MAGI2: variants seen among roughly 807,000 people sequenced by gnomAD.
MAGI2 encodes the protein membrane-associated guanylate kinase, WW and PDZ domain-containing protein 2.
A neutral mutation model predicts 133.3 loss-of-function variants in MAGI2; 35 were observed. That is an observed-to-expected ratio of 0.26 (90% confidence interval 0.20 to 0.35). MAGI2 has a LOEUF of 0.35. Among genes scored for constraint, MAGI2 ranks in the 10% least tolerant of loss-of-function variants. The pLI, the probability that MAGI2 is intolerant of heterozygous loss-of-function variation, is 1.00. For missense variants in MAGI2, 1,636 were observed against 1,863.4 expected, an observed-to-expected ratio of 0.88 and a Z score of 2.25; for synonymous variants, 729 against 710.6, an observed-to-expected ratio of 1.03 and a Z score of -0.41.
intron 9 of MAGI2, among the ~76,000 whole-genome samples, chr7:78,324,388 C>T (rs1456066984): frequency 1.3e-5 from 2 of 152,170 alleles, no homozygotes; most frequent in Non-Finnish European, 1.5e-5. Context: ...GTTGACTGTT[C>T]TCCTGGAAGG....
intron 1 of MAGI2, among the ~76,000 whole-genome samples, chr7:79,135,987 GA>G (rs533893970): frequency 7.9e-5 from 3 of 37,972 alleles, no homozygotes; most frequent in African/African-American, 1.5e-4. Context: ...AAGAAAGAAA[GA>G]AAGAAAGAAA....
In MAGI2 at chr7:78,132,904, T is replaced by G. The variant is rs1388839109; in HGVS notation, c.3188A>C (p.Gln1063Pro). 1 of 1,614,052 alleles carries G rather than the reference T, an allele frequency of 6.2e-7. No homozygotes were observed. Among genetic ancestry groups the G allele is most frequent in the South Asian group, 1.1e-5 (1 of 91,076 alleles). ...GAAATTTTACCTATTTTCGTGTCCT[T>G]GCAGCTGAAGTGGTTGAGGTGGTGC... Reference protein sequence around the residue: ...QPAPPQPLQLQGHENSYRSEV... With the variant: ...QPAPPQPLQLPGHENSYRSEV... Residue 1063 changes from glutamine to proline, a missense_variant, in exon 18 of 22, where the codon CAA (glutamine) becomes CCA (proline). Coordinates refer to ENST00000354212, the MANE Select transcript of MAGI2 (RefSeq NM_012301.4).
At chr7:78,572,362 A>G (rs76618021) in intron 3 of MAGI2, among the ~76,000 whole-genome samples, 3,038 of 152,238 alleles carry the variant, frequency 0.02, 46 homozygotes, top group South Asian at 0.069. Context: ...AAGTAAGTCT[A>G]ACTTTCATCC....
chr7:78,862,193 G>GTC (rs1471510461), intron 2 of MAGI2, among the ~76,000 whole-genome samples: 1 of 152,094 alleles, frequency 6.6e-6, no homozygotes, highest in Non-Finnish European at 1.5e-5. Context: ...TCTTTAATAT[G>GTC]TCCTTGCTTC....
At chr7:78,151,259 A>G (rs1157436829) in intron 16 of MAGI2, among the ~76,000 whole-genome samples, 1 of 152,110 alleles carries the variant, frequency 6.6e-6, no homozygotes, top group Non-Finnish European at 1.5e-5. Context: ...GAGTAATGTG[A>G]TACAGAAGTT....
intron 2 of MAGI2, among the ~76,000 whole-genome samples, chr7:78,728,889 T>G (rs866247676): frequency 1.3e-5 from 2 of 152,096 alleles, no homozygotes; most frequent in Admixed American, 6.6e-5. Context: ...TCTTTTTATA[T>G]CTGAAAAAAT....
chr7:79,370,913 A>G (rs1843008000), intron 1 of MAGI2, among the ~76,000 whole-genome samples: 1 of 152,084 alleles, frequency 6.6e-6, no homozygotes, highest in African/African-American at 2.4e-5. Context: ...TACTTGGTTC[A>G]TGGGCATTTT....
At chr7:78,449,785 A>C (rs963703821) in intron 6 of MAGI2, among the ~76,000 whole-genome samples, 3 of 152,108 alleles carry the variant, frequency 2.0e-5, no homozygotes, top group Admixed American at 2.0e-4. Context: ...TATAGACATT[A>C]TCACTTAACC....
intron 6 of MAGI2, among the ~76,000 whole-genome samples, chr7:78,483,705 G>T (rs1271518813): frequency 6.6e-6 from 1 of 151,836 alleles, no homozygotes; most frequent in East Asian, 1.9e-4. Flanking sequence ...AGACTGGAAA[G>T]GGCACTATAT....
intron 2 of MAGI2, among the ~76,000 whole-genome samples, chr7:78,880,581 A>G (rs901132689): frequency 6.6e-6 from 1 of 152,206 alleles, no homozygotes; most frequent in African/African-American, 2.4e-5. Flanking sequence ...AAGGAATTCT[A>G]AACACGGAAA....
intron 6 of MAGI2, among the ~76,000 whole-genome samples, chr7:78,387,922 T>C (rs1040770659): frequency 8.2e-5 from 12 of 146,890 alleles, no homozygotes; most frequent in African/African-American, 3.1e-4. Flanking sequence ...TGAAACTCTG[T>C]CTCAAATAAA....
At chr7:78,173,632 G>C (rs950391687) in intron 14 of MAGI2, among the ~76,000 whole-genome samples, 1 of 152,178 alleles carries the variant, frequency 6.6e-6, no homozygotes, top group African/African-American at 2.4e-5. Context: ...ATGGGAGAAA[G>C]GACCTGATAA....
At chr7:78,613,290 TCA>T (rs1228969225) in intron 3 of MAGI2, among the ~76,000 whole-genome samples, 14 of 152,206 alleles carry the variant, frequency 9.2e-5, no homozygotes, top group Non-Finnish European at 1.9e-4. Flanking sequence ...GACAGATAAA[TCA>T]TTTTAGTTAA....
intron 6 of MAGI2, among the ~76,000 whole-genome samples, chr7:78,395,513 C>T (rs995126699): frequency 9.2e-5 from 14 of 152,160 alleles, no homozygotes; most frequent in Non-Finnish European, 1.9e-4. Context: ...ATTTGAATAG[C>T]AGGCTGAGGG....
At chr7:78,396,850 C>G (rs887046518) in intron 6 of MAGI2, among the ~76,000 whole-genome samples, 1 of 152,146 alleles carries the variant, frequency 6.6e-6, no homozygotes, top group Non-Finnish European at 1.5e-5. Flanking sequence ...AGAGAAATTT[C>G]TGTTCTTGAC....
chr7:79,372,573 A>G (rs907377081), intron 1 of MAGI2, among the ~76,000 whole-genome samples: 1 of 152,096 alleles, frequency 6.6e-6, no homozygotes, highest in Non-Finnish European at 1.5e-5. Flanking sequence ...GTAGTTAGGT[A>G]CTCAAAAAGT....
chr7:79,280,651 G>T (rs1835565036), intron 1 of MAGI2, among the ~76,000 whole-genome samples: 2 of 151,976 alleles, frequency 1.3e-5, no homozygotes, highest in Non-Finnish European at 2.9e-5. Context: ...GTTTGGGTCT[G>T]GGAGCCATGA....
intron 9 of MAGI2, among the ~76,000 whole-genome samples, chr7:78,274,062 T>C (rs1289157504): frequency 6.6e-6 from 1 of 152,184 alleles, no homozygotes; most frequent in African/African-American, 2.4e-5. Context: ...TTTCTCCCCA[T>C]CTTTGTGGAT....
intron 16 of MAGI2, among the ~76,000 whole-genome samples, chr7:78,146,159 C>T (rs900844551): frequency 1.8e-4 from 28 of 151,398 alleles, no homozygotes; most frequent in South Asian, 4.2e-4. Flanking sequence ...CATTCTGTCC[C>T]GAGTATTTTA....
Sources: gnomAD v4.1 joint callset for allele counts (sites outside exome capture counted in the v4.1 genomes callset) on GRCh38, gnomAD v4.1.1 for gene constraint, MANE v1.5 for transcripts, NCBI Gene and HGNC (gene_info 2026-07-23, HGNC 2026-07-21) for gene names.